NEK1: variants seen among roughly 807,000 people sequenced by gnomAD.
NEK1 encodes NIMA related kinase 1.
A neutral mutation model predicts 182.1 loss-of-function variants in NEK1; 137 were observed. The observed-to-expected ratio is 0.75, with a 90% confidence interval of 0.65 to 0.87. The LOEUF is 0.87. Ranked by LOEUF, NEK1 falls within the 40% of genes least tolerant of loss-of-function variation. The pLI is 0.00. For missense variants in NEK1, 1,391 were observed against 1,494.4 expected (o/e 0.93, Z 1.14); for synonymous variants, 513 against 492.2 (o/e 1.04, Z -0.56).
intron 6 of NEK1, 89 bp downstream of exon 6, chr4:169,590,637 C>G (rs1264568770): frequency 1.7e-5 from 13 of 778,300 alleles, no homozygotes; most frequent in Non-Finnish European, 2.7e-5. Flanking sequence ...CTGATGCACA[C>G]TAAATCAGGT....
intron 16 of NEK1, 112 bp from the exon 17 acceptor site, chr4:169,556,207 C>T (rs1762144275): frequency 2.1e-6 from 2 of 963,704 alleles, no homozygotes; most frequent in Non-Finnish European, 1.5e-6. Context: ...AAAGTAATTA[C>T]TTAATATGAA....
intron 6 of NEK1, among the ~76,000 whole-genome samples, chr4:169,590,308 C>G (rs1431666338): frequency 7.0e-6 from 1 of 142,906 alleles, no homozygotes; most frequent in Non-Finnish European, 1.5e-5. Flanking sequence ...GACTCCGTCT[C>G]AAAAACAATA....
intron 2 of NEK1, 31 bp from the exon 3 acceptor site, chr4:169,602,709 G>A: frequency 1.3e-6 from 1 of 745,162 alleles, no homozygotes; most frequent in South Asian, 1.6e-5. Context: ...TTTATAACAT[G>A]AGATAAAACA....
chr4:169,425,087 C>A (rs1736143823), intron 30 of NEK1, among the ~76,000 whole-genome samples: 1 of 152,136 alleles, frequency 6.6e-6, no homozygotes, highest in African/African-American at 2.4e-5. Context: ...GTAATCCCAG[C>A]CCCTCAGGAG....
intron 30 of NEK1, among the ~76,000 whole-genome samples, chr4:169,425,078 T>C (rs994629951): frequency 6.6e-6 from 1 of 152,210 alleles, no homozygotes; most frequent in Non-Finnish European, 1.5e-5. Flanking sequence ...CTAATGCCTG[T>C]AATCCCAGCC....
At chr4:169,415,704 A>G (rs746037734) in intron 31 of NEK1, among the ~76,000 whole-genome samples, 3 of 152,182 alleles carry the variant, frequency 2.0e-5, no homozygotes, top group African/African-American at 7.2e-5. Context: ...CTGCTGATGA[A>G]TGGTGGCAAT....
At position 169,463,478 on chromosome 4, in the gene NEK1, C is replaced by T. The variant is rs938018485; in HGVS notation, c.2435-83G>A. ...GTAAGGCAGATTTTGAGTCTTTTAT[C>T]CAATTGAGTGGTTCATGAGAAAAAA... On this transcript the variant is annotated intron_variant, in intron 26 of 35. Coordinates refer to ENST00000507142, the MANE Select transcript of NEK1 (RefSeq NM_001199397.3). 1.4e-5 allele frequency: 13 copies of T among 952,588 alleles called. No individual in the cohort carries two copies. In the Admixed American group the frequency reaches 1.8e-4, roughly 13 times the overall value. 59.0% of individuals were successfully genotyped at this position (952,588 alleles called of 1,614,324 possible).
rs765037444 is a variant in NEK1 at position 169,561,701 on chromosome 4, G to T, written c.1177C>A (p.Gln393Lys). The change falls in exon 15 of 36, where the codon CAA becomes AAA. Residue 393 changes from glutamine to lysine, a missense_variant. Around this residue, in one of 5 missense-constraint regions of NEK1, gnomAD observed 1,216 missense variants for 1,277.6 expected, o/e 0.95. Transcript: ENST00000507142. ...SLMKAEQMKR[Q>K]EKERLERINR... ...TATCCTCTTACCCTTTCCTTTTCTTGCCTTTTCATTTGTTCAGCCTTCATT... is the reference window on the plus strand; with the variant it reads ...TATCCTCTTACCCTTTCCTTTTCTTTCCTTTTCATTTGTTCAGCCTTCATT... 10 of 1,567,692 alleles carry T rather than the reference G, an allele frequency of 6.4e-6. No homozygotes were observed. The African/African-American group carries it at 1.2e-4, about 19-fold the overall frequency.
chr4:169,488,443 T>C (rs1024712292), intron 23 of NEK1, among the ~76,000 whole-genome samples: 2 of 152,214 alleles, frequency 1.3e-5, no homozygotes, highest in African/African-American at 4.8e-5. Flanking sequence ...CCTTTCCCTA[T>C]TGCTTGTTTT....
chr4:169,424,476 T>C (rs1463618959), intron 31 of NEK1, 77 bp downstream of exon 31: 3 of 1,446,158 alleles, frequency 2.1e-6, no homozygotes, highest in Non-Finnish European at 2.8e-6. Flanking sequence ...TAAAACTCAA[T>C]ATTATGGTTT....
intron 18 of NEK1, among the ~76,000 whole-genome samples, chr4:169,539,321 T>A (rs897772969): frequency 4.6e-5 from 7 of 152,218 alleles, no homozygotes; most frequent in African/African-American, 1.7e-4. Flanking sequence ...ATCTCCTGCA[T>A]ATATCAATGT....
chr4:169,401,578 G>C (rs2111028120), intron 33 of NEK1, 74 bp downstream of exon 33: 1 of 1,336,816 alleles, frequency 7.5e-7, no homozygotes, highest in East Asian at 2.3e-5. Context: ...TCACAGCAGA[G>C]ATTAGAAAAA....
intron 18 of NEK1, among the ~76,000 whole-genome samples, chr4:169,540,598 G>A (rs778884950): frequency 1.2e-4 from 18 of 152,020 alleles, no homozygotes; most frequent in Non-Finnish European, 1.6e-4. Context: ...AAGAATTCAC[G>A]TGAGCATGCT....
intron 19 of NEK1, among the ~76,000 whole-genome samples, chr4:169,515,430 A>C (rs1260319758): frequency 2.6e-5 from 4 of 151,652 alleles, no homozygotes; most frequent in African/African-American, 9.7e-5. Context: ...TTTCAGCTCT[A>C]TTAGTTTCTG....
intron 10 of NEK1, among the ~76,000 whole-genome samples, chr4:169,584,499 C>G (rs1767202256): frequency 6.6e-6 from 1 of 152,008 alleles, no homozygotes; most frequent in African/African-American, 2.4e-5. Flanking sequence ...GTAGTCCCAG[C>G]TACTTGGGAG....
At chr4:169,543,327 T>C (rs1277418161) in intron 18 of NEK1, among the ~76,000 whole-genome samples, 1 of 152,194 alleles carries the variant, frequency 6.6e-6, no homozygotes, top group African/African-American at 2.4e-5. Flanking sequence ...AGGCCTCTGT[T>C]CTGTTCCATT....
chr4:169,599,180 T>A lies in NEK1; in HGVS notation c.232A>T (p.Ile78Leu). ...CCTCCCTCACAGTAATCCATTACTA[T>A]GTAGAGAGAGCCATTTTCTACAAAA... ...ESFEENGSLY[I>L]VMDYCEGGDL... The change falls in exon 5 of 36, where the codon ATA becomes TTA. Residue 78 changes from isoleucine (I) to leucine (L), a missense_variant. Physicochemically the swap from Ile to Leu is conservative, Grantham distance 5 (BLOSUM62 2). This residue lies in a region of NEK1 where 116 missense variants were observed against 114.5 expected (regional missense o/e 1.01). Transcript: ENST00000507142. 1 of 1,611,538 alleles carries A rather than the reference T, an allele frequency of 6.2e-7. No individual in the cohort carries two copies. Among genetic ancestry groups the A allele is most frequent in the South Asian group, 1.1e-5 (1 of 90,750 alleles).
chr4:169,407,652 A>T (rs1732881523), intron 31 of NEK1, among the ~76,000 whole-genome samples: 1 of 152,200 alleles, frequency 6.6e-6, no homozygotes, highest in Non-Finnish European at 1.5e-5. Flanking sequence ...ATAGATAGAC[A>T]AGGCTATGAA....
chr4:169,549,092 G>C (rs1761010092), intron 18 of NEK1, among the ~76,000 whole-genome samples: 1 of 152,212 alleles, frequency 6.6e-6, no homozygotes, highest in South Asian at 2.1e-4. Flanking sequence ...CCAGGGCCCT[G>C]GTGGCATAGG....
Sources: gnomAD v4.1 joint callset for allele counts (sites outside exome capture counted in the v4.1 genomes callset) on GRCh38, gnomAD v4.1.1 for gene constraint, gnomAD v4.1.1 regional missense constraint, MANE v1.5 for transcripts, NCBI Gene and HGNC (gene_info 2026-07-23, HGNC 2026-07-21) for gene names.